The following WDR33 variants were observed in gnomAD, a reference collection of about 807,000 sequenced individuals.
WDR33 encodes pre-mRNA 3' end processing protein WDR33.
Under a neutral mutation model 164.9 loss-of-function variants are expected in WDR33, and 47 were observed. That is an observed-to-expected ratio of 0.29 (90% CI 0.23 to 0.36). WDR33 has a LOEUF of 0.36. Among genes scored for constraint, WDR33 ranks in the 10% least tolerant of loss-of-function variants. The probability of loss-of-function intolerance (pLI) is 1.00; values close to 1 mark genes in which losing one functional copy is unlikely to be tolerated. For synonymous variants in WDR33, 505 were observed against 589.0 expected (o/e 0.86, Z 2.06); for missense variants, 1,137 against 1,754.1 (o/e 0.65, Z 6.28).
At chr2:127,809,171 C>T (rs1324460896) in intron 1 of WDR33, among the ~76,000 whole-genome samples, 1 of 152,022 alleles carries the variant, frequency 6.6e-6, no homozygotes, top group Non-Finnish European at 1.5e-5. Context: ...CAAACTTCAG[C>T]CATAATCAAA....
At chr2:127,750,700 A>G (rs185825717) in intron 7 of WDR33, among the ~76,000 whole-genome samples, 1,841 of 61,018 alleles carry the variant, frequency 0.03, 47 homozygotes, top group Non-Finnish European at 0.043. Flanking sequence ...ATATATATAT[A>G]TATATATATA....
intron 1 of WDR33, among the ~76,000 whole-genome samples, chr2:127,788,535 T>C (rs1290867752): frequency 3.0e-3 from 169 of 55,898 alleles, no homozygotes; most frequent in Admixed American, 4.5e-3. Context: ...GACCCCCCCA[T>C]CTCCCTCCCG....
chr2:127,806,688 C>A, intron 1 of WDR33, among the ~76,000 whole-genome samples: 1 of 149,408 alleles, frequency 6.7e-6, no homozygotes, highest in African/African-American at 2.5e-5. Flanking sequence ...ACTACACCAA[C>A]TCATTCGAAA....
At chr2:127,803,963 A>G (rs1229761621) in intron 1 of WDR33, among the ~76,000 whole-genome samples, 2 of 151,598 alleles carry the variant, frequency 1.3e-5, no homozygotes, top group Non-Finnish European at 2.9e-5. Flanking sequence ...AAAAAAAAAA[A>G]AAAAAGACCA....
intron 7 of WDR33, among the ~76,000 whole-genome samples, chr2:127,756,082 A>C (rs2105423130): frequency 6.6e-6 from 1 of 152,190 alleles, no homozygotes; most frequent in South Asian, 2.1e-4. Context: ...ACCCGTAATG[A>C]CTACACTTTG....
rs752590388 is a variant in WDR33, at chr2:127,701,755, G to C, written c.*4568C>G. ...CTCCCGAGCGTGACGCGCGGGCAGC[G>C]GCTGGCGGCGGGCGGCGGGTGCCTG... On this transcript the variant is annotated 3_prime_UTR_variant, in exon 22 of 22. Coordinates refer to ENST00000322313, the MANE Select transcript of WDR33 (RefSeq NM_018383.5). The C allele has an allele frequency of 4.2e-6, 6 of 1,420,982 alleles. No homozygotes were observed. Among genetic ancestry groups the C allele is most frequent in the Admixed American group, 2.6e-5 (1 of 37,850 alleles). 88.0% of individuals were successfully genotyped at this position (1,420,982 alleles called of 1,614,324 possible).
chr2:127,714,125 AT>A lies in WDR33; in HGVS notation c.2870-105del. On this transcript the variant is annotated intron_variant, in intron 17 of 21. Coordinates refer to ENST00000322313, the MANE Select transcript of WDR33 (RefSeq NM_018383.5). This position sits in a 1 kb window ranked among gnomAD's most constrained non-coding sequence, Gnocchi z 4.3. Reference sequence around the variant, plus strand: ...TTTCAGAATACATTCTTTATTGAGAATGTTTTCCCTCCTTGGTTCTCAGCTT... The same window carrying A: ...TTTCAGAATACATTCTTTATTGAGAAGTTTTCCCTCCTTGGTTCTCAGCTT... 2.4e-6 allele frequency: 3 copies of A among 1,252,902 alleles called. No homozygotes were observed. The highest frequency in any genetic ancestry group is 3.2e-6 in the Non-Finnish European group (3 of 951,604). The allele number at this position is 1,252,902 out of a possible 1,614,324, so 77.6% of individuals were successfully genotyped here. A position where few individuals can be genotyped will look rare whatever the true frequency, so the allele number is the denominator to read the frequency against.
At position 127,782,356 on chromosome 2, in the gene WDR33, C is replaced by T. The variant is rs767028607; in HGVS notation, c.-23-11352G>A. On this transcript the variant is annotated intron_variant, in intron 1 of 21. Transcript: ENST00000322313. The stretch of plus-strand genomic sequence containing the variant: ...CTGGGAGGCAGGGGTTGCGGCGAGC[C>T]GAGATTGCACCACTGCACTCCAGCC... 8.9e-4 allele frequency among the ~76,000 whole-genome samples: 135 copies of T among 152,066 alleles called. 3 individuals carry two copies. The highest frequency in any genetic ancestry group is 5.0e-3 in the Admixed American group (76 of 15,252).
chr2:127,713,635 G>A lies in WDR33; in HGVS notation c.3256C>T (p.Arg1086Cys), dbSNP rs749028157. ...GGGTCCTCGGGATCCCGGGGGAAACGTTCATCTCCGGGCCTGCGGCCTTCC... is the reference window on the plus strand; with the variant it reads ...GGGTCCTCGGGATCCCGGGGGAAACATTCATCTCCGGGCCTGCGGCCTTCC... ...AWEGRRPGDERFPRDPEDPRF... is the reference protein window; with the variant it reads ...AWEGRRPGDECFPRDPEDPRF... The change falls in exon 18 of 22, where the codon CGT (arginine) becomes TGT (cysteine). Residue 1086 changes from arginine (R) to cysteine (C), a missense_variant. Arg to Cys is a radical substitution (Grantham distance 180, BLOSUM62 -3). Coordinates refer to ENST00000322313, the MANE Select transcript of WDR33 (RefSeq NM_018383.5). The surrounding 1 kb of genome is among the most constrained non-coding windows in gnomAD (Gnocchi z 6.2). 2.2e-5 allele frequency: 36 copies of A among 1,614,148 alleles called. No homozygotes were observed. The highest frequency in any genetic ancestry group is 1.6e-4 in the Middle Eastern group (1 of 6,084).
At chr2:127,734,650 C>T (rs564293633) in intron 7 of WDR33, among the ~76,000 whole-genome samples, 139 of 152,238 alleles carry the variant, frequency 9.1e-4, no homozygotes, top group African/African-American at 3.3e-3. Context: ...TGGTGCTCAA[C>T]CTCTCAAATA....
At chr2:127,727,106 C>T (rs956942471) in intron 7 of WDR33, among the ~76,000 whole-genome samples, 6 of 152,096 alleles carry the variant, frequency 3.9e-5, no homozygotes, top group Admixed American at 2.6e-4. Flanking sequence ...ATGTTGTTCC[C>T]GATTACCCTG....
chr2:127,795,895 G>A (rs771516811), intron 1 of WDR33, among the ~76,000 whole-genome samples: 1 of 151,622 alleles, frequency 6.6e-6, no homozygotes, highest in African/African-American at 2.4e-5. Flanking sequence ...AAAATGGGGA[G>A]GGGAGAGCTA....
At position 127,701,521 on chromosome 2, in the gene WDR33, TGTCCAAGA is replaced by T; in HGVS notation, c.*4794_*4801del. ...CAGCTTTTCCTTTCTGCCACCGCCT[TGTCCAAGA>T]TGGCGGACCTCCACCGCCAGCTGCA... On this transcript the variant is annotated 3_prime_UTR_variant, in exon 22 of 22. Coordinates refer to ENST00000322313, the MANE Select transcript of WDR33 (RefSeq NM_018383.5). 1.5e-6 allele frequency: 2 copies of T among 1,305,824 alleles called. No homozygotes were observed. The highest frequency in any genetic ancestry group is 2.0e-6 in the Non-Finnish European group (2 of 1,023,948). 80.9% of individuals were successfully genotyped at this position (1,305,824 alleles called of 1,614,324 possible).
intron 1 of WDR33, among the ~76,000 whole-genome samples, chr2:127,782,680 T>C (rs1400028266): frequency 1.3e-5 from 2 of 152,156 alleles, no homozygotes; most frequent in Non-Finnish European, 2.9e-5. Context: ...AACATTCACA[T>C]AGTATTAGGT....
At chr2:127,766,543 T>G (rs926221629) in intron 4 of WDR33, among the ~76,000 whole-genome samples, 3 of 152,184 alleles carry the variant, frequency 2.0e-5, no homozygotes, top group Non-Finnish European at 4.4e-5. Flanking sequence ...TGACTGTGCC[T>G]CTACTATGTG....
intron 7 of WDR33, among the ~76,000 whole-genome samples, chr2:127,742,738 CAA>C (rs566845873): frequency 1.2e-3 from 175 of 147,246 alleles, no homozygotes; most frequent in African/African-American, 4.2e-3. Flanking sequence ...GTAAGACAAG[CAA>C]AGACAATGGA....
Position 127,717,076 on chromosome 2 carries a change from G to A in WDR33, c.2869+79C>T. 1 of 1,439,246 alleles carries A rather than the reference G, an allele frequency of 6.9e-7. No individual in the cohort carries two copies. Among genetic ancestry groups the A allele is most frequent in the South Asian group, 1.2e-5 (1 of 81,804 alleles). The allele number at this position is 1,439,246 out of a possible 1,614,324, so 89.2% of individuals were successfully genotyped here. A position where few individuals can be genotyped will look rare whatever the true frequency, so the allele number is the denominator to read the frequency against. Reference sequence around the variant, plus strand: ...TCAAATGACCAGTCTATCAATGACTGGCCAACAAAATTATTCACTGTAAAA... The same window carrying A: ...TCAAATGACCAGTCTATCAATGACTAGCCAACAAAATTATTCACTGTAAAA... On this transcript the variant is annotated intron_variant, in intron 17 of 21. Transcript: ENST00000322313. This position sits in a 1 kb window ranked among gnomAD's most constrained non-coding sequence, Gnocchi z 5.6.
At chr2:127,747,808 T>C (rs905574886) in intron 7 of WDR33, among the ~76,000 whole-genome samples, 2 of 152,212 alleles carry the variant, frequency 1.3e-5, no homozygotes, top group African/African-American at 2.4e-5. Flanking sequence ...TGGATTTCAA[T>C]ATGTTCAAGA....
Position 127,710,707 on chromosome 2 carries a change from T to C in WDR33, c.3309-851A>G, listed in dbSNP as rs748261868. ...AAAGTGACCTTCTGGCAGCGCTCAC[T>C]GAGAGGCGGTGGCGCCACCCTGCAG... On this transcript the variant is annotated intron_variant, in intron 18 of 21. Coordinates refer to ENST00000322313, the MANE Select transcript of WDR33 (RefSeq NM_018383.5). This position sits in a 1 kb window ranked among gnomAD's most constrained non-coding sequence, Gnocchi z 4.4. Among the ~76,000 whole-genome samples, 7 of 152,186 alleles carry C rather than the reference T, an allele frequency of 4.6e-5. No homozygotes were observed. Among genetic ancestry groups the C allele is most frequent in the Non-Finnish European group, 8.8e-5 (6 of 68,030 alleles).
Sources: allele counts gnomAD v4.1 joint callset (sites outside exome capture counted in the v4.1 genomes callset), GRCh38; gene constraint gnomAD v4.1.1; non-coding constraint Gnocchi (gnomAD v3.1); transcripts MANE v1.5; gene names NCBI Gene and HGNC (gene_info 2026-07-23, HGNC 2026-07-21).